SNAP29: variants seen among roughly 807,000 people sequenced by gnomAD.
The protein encoded by SNAP29 is synaptosome associated protein 29.
SNAP29 carries 13 observed loss-of-function variants against 27.9 expected under a neutral mutation model. The observed-to-expected ratio is 0.47, with a 90% CI of 0.30 to 0.74. The LOEUF (loss-of-function observed/expected upper bound fraction) is 0.74. SNAP29 is among the 30% of genes least tolerant of loss of function. The pLI is 0.06. For missense variants in SNAP29, 368 were observed against 336.5 expected, an observed-to-expected ratio of 1.09 and a Z score of -0.73; for synonymous variants, 119 against 127.1, an observed-to-expected ratio of 0.94 and a Z score of 0.43.
chr22:20,863,667 CT>C (rs902445468), intron 1 of SNAP29, among the ~76,000 whole-genome samples: 51 of 149,836 alleles, frequency 3.4e-4, no homozygotes, highest in Admixed American at 1.3e-3. Flanking sequence ...ATGATTTCTT[CT>C]TTTTTTTTTC....
At chr22:20,859,504 T>C (rs1601641123) in intron 1 of SNAP29, 157 bp downstream of exon 1, 3 of 667,068 alleles carry the variant, frequency 4.5e-6, no homozygotes, top group Admixed American at 2.3e-5. Context: ...CTGTTAACTA[T>C]GTAAAGGTAT....
intron 2 of SNAP29, among the ~76,000 whole-genome samples, chr22:20,875,736 C>G (rs1928724469): frequency 6.6e-6 from 1 of 152,146 alleles, no homozygotes; most frequent in African/African-American, 2.4e-5. Context: ...AGGACAATCA[C>G]TTGGGGCCAG....
At chr22:20,871,064 G>A (rs1466853448) in intron 2 of SNAP29, 1 of 179,338 alleles carries the variant, frequency 5.6e-6, no homozygotes, top group Non-Finnish European at 1.2e-5. Flanking sequence ...TGGAGATCAA[G>A]GCTGCAGTGA....
At chr22:20,860,464 G>A (rs1928261307) in intron 1 of SNAP29, among the ~76,000 whole-genome samples, 1 of 149,766 alleles carries the variant, frequency 6.7e-6, no homozygotes. Context: ...CCGCCTCCGG[G>A]ATTCAGACGA....
At chr22:20,877,285 G>A (rs780847591) in intron 2 of SNAP29, among the ~76,000 whole-genome samples, 33 of 152,176 alleles carry the variant, frequency 2.2e-4, no homozygotes, top group Admixed American at 6.5e-5. Flanking sequence ...GGCCTGGCAC[G>A]GTGGCTCACG....
chr22:20,872,373 T>G (rs917129645), intron 2 of SNAP29, among the ~76,000 whole-genome samples: 3 of 151,636 alleles, frequency 2.0e-5, no homozygotes, highest in Non-Finnish European at 4.4e-5. Context: ...CCCAAGTAGC[T>G]GGGATCACAG....
intron 2 of SNAP29, among the ~76,000 whole-genome samples, chr22:20,878,982 C>T (rs178074): frequency 0.49 from 75,198 of 152,058 alleles, 19,130 homozygotes; most frequent in African/African-American, 0.59. Context: ...AAAAAACATA[C>T]TTTCACAACT....
At chr22:20,886,113 T>C (rs1416790111) in intron 4 of SNAP29, among the ~76,000 whole-genome samples, 8 of 115,154 alleles carry the variant, frequency 6.9e-5, no homozygotes, top group Admixed American at 3.3e-4. Flanking sequence ...AAGACTTATC[T>C]TTTTTTTTTT....
intron 2 of SNAP29, among the ~76,000 whole-genome samples, chr22:20,878,832 G>A: frequency 6.6e-6 from 1 of 152,126 alleles, no homozygotes; most frequent in Non-Finnish European, 1.5e-5. Context: ...GGGCTCAGCA[G>A]GATGTCGGGG....
chr22:20,861,067 C>G (rs78824534), intron 1 of SNAP29, among the ~76,000 whole-genome samples: 16,639 of 151,740 alleles, frequency 0.11, 1,332 homozygotes, highest in Non-Finnish European at 0.16. Flanking sequence ...GGTTAATTCC[C>G]TTCCCCACCT....
intron 1 of SNAP29, among the ~76,000 whole-genome samples, chr22:20,866,008 A>G (rs1022919225): frequency 6.6e-6 from 1 of 152,242 alleles, no homozygotes; most frequent in Non-Finnish European, 1.5e-5. Flanking sequence ...TTGTTAGCAT[A>G]GTCTGTCTGA....
Position 20,859,054 on chromosome 22 carries a change from G to C in SNAP29, c.-57G>C. The stretch of plus-strand genomic sequence containing the variant: ...CGGCGGGCGGGGCGAGGCCCTGGAC[G>C]GCGGCGGCAGTGGGGCTCCTCCTTC... On this transcript the variant is annotated 5_prime_UTR_variant, in exon 1 of 5. Transcript: ENST00000215730. The C allele has an allele frequency of 6.9e-7, 1 of 1,458,286 alleles. No individual in the cohort carries two copies. The highest frequency in any genetic ancestry group is 9.5e-7 in the Non-Finnish European group (1 of 1,054,066). The allele number at this position is 1,458,286 out of a possible 1,614,324, so 90.3% of individuals were successfully genotyped here. A position where few individuals can be genotyped will look rare whatever the true frequency, so the allele number is the denominator to read the frequency against.
intron 4 of SNAP29, among the ~76,000 whole-genome samples, chr22:20,884,689 T>C (rs1466601584): frequency 6.6e-6 from 1 of 152,210 alleles, no homozygotes. Flanking sequence ...AGACTGTAGA[T>C]TCCAGGACAG....
At chr22:20,867,475 C>T (rs1344703324) in intron 1 of SNAP29, among the ~76,000 whole-genome samples, 1 of 152,146 alleles carries the variant, frequency 6.6e-6, no homozygotes, top group African/African-American at 2.4e-5. Context: ...CTCTGTCAAA[C>T]CCTTCTTCCT....
At chr22:20,870,650 C>T (rs1928570340) in intron 2 of SNAP29, 117 bp downstream of exon 2, 1 of 908,308 alleles carries the variant, frequency 1.1e-6, no homozygotes, top group Non-Finnish European at 1.8e-6. Flanking sequence ...CTTTAAGTTA[C>T]TCATCAGGGG....
intron 2 of SNAP29, among the ~76,000 whole-genome samples, chr22:20,871,665 C>G (rs1928594967): frequency 1.3e-5 from 2 of 151,974 alleles, no homozygotes; most frequent in Admixed American, 1.3e-4. Context: ...GGTGGATCAC[C>G]AAGTCAGGAA....
chr22:20,885,814 C>A (rs1054095464), intron 4 of SNAP29, among the ~76,000 whole-genome samples: 3 of 152,182 alleles, frequency 2.0e-5, no homozygotes, highest in African/African-American at 7.2e-5. Context: ...TGACACAGGC[C>A]AGGCCGGTCC....
Position 20,887,689 on chromosome 22 carries a change from C to A in SNAP29, c.630C>A (p.Ser210=). Reference sequence around the variant, plus strand: ...TTCCTCCTCCTGCAGATGAGCTGTCCATGGGACTGGGTCGTCTGAAGGACA... The same window carrying A: ...TTCCTCCTCCTGCAGATGAGCTGTCAATGGGACTGGGTCGTCTGAAGGACA... ...QKIDSNLDEL[S]MGLGRLKDIA... is the part of the protein sequence containing the mutation. The change falls in exon 5 of 5, where the codon TCC becomes TCA. Residue 210 remains serine (S), a synonymous_variant. Transcript: ENST00000215730. 1 of 1,614,160 alleles carries A rather than the reference C, an allele frequency of 6.2e-7. No individual in the cohort carries two copies. The highest frequency in any genetic ancestry group is 2.2e-5 in the East Asian group (1 of 44,882).
At chr22:20,887,041 G>A (rs995837166) in intron 4 of SNAP29, among the ~76,000 whole-genome samples, 3 of 151,998 alleles carry the variant, frequency 2.0e-5, no homozygotes, top group African/African-American at 2.4e-5. Context: ...GGCCAATATG[G>A]TGAAACCCTA....
Sources: gnomAD v4.1 joint callset for allele counts (sites outside exome capture counted in the v4.1 genomes callset) on GRCh38, gnomAD v4.1.1 for gene constraint, MANE v1.5 for transcripts, NCBI Gene and HGNC (gene_info 2026-07-23, HGNC 2026-07-21) for gene names.